The following RFC3 variants were observed in gnomAD, a reference collection of about 807,000 sequenced individuals.
RFC3 encodes the protein replication factor C subunit 3.
In RFC3, 41 loss-of-function variants were observed where a neutral mutation model predicts 45.1. The observed-to-expected ratio is 0.91, with a 90% CI of 0.71 to 1.18. The LOEUF is 1.18. RFC3 is among the 50% of genes most tolerant of loss of function. The pLI, the probability that RFC3 is intolerant of heterozygous loss-of-function variation, is 0.00. For synonymous variants in RFC3, 149 were observed against 144.0 expected, an observed-to-expected ratio of 1.03 and a Z score of -0.25; for missense variants, 423 against 428.1, an observed-to-expected ratio of 0.99 and a Z score of 0.10.
At chr13:33,820,370 C>G (rs536650690) in intron 1 of RFC3, among the ~76,000 whole-genome samples, 51 of 152,368 alleles carry the variant, frequency 3.3e-4, no homozygotes, top group Non-Finnish European at 6.6e-4. Context: ...AATGCTCTTT[C>G]TTTTCCCCCA....
intron 8 of RFC3, among the ~76,000 whole-genome samples, chr13:33,875,599 A>G (rs2082440701): frequency 6.6e-6 from 1 of 152,186 alleles, no homozygotes; most frequent in African/African-American, 2.4e-5. Flanking sequence ...GACAGTGGTA[A>G]GGCGAGTCCT....
intron 8 of RFC3, among the ~76,000 whole-genome samples, chr13:33,938,599 A>G (rs1259595239): frequency 6.6e-6 from 1 of 152,166 alleles, no homozygotes; most frequent in Admixed American, 6.6e-5. Flanking sequence ...GTTTTTCTCA[A>G]CATTGTGTCA....
intron 8 of RFC3, among the ~76,000 whole-genome samples, chr13:33,867,374 T>C (rs1321082288): frequency 1.3e-5 from 2 of 152,230 alleles, no homozygotes; most frequent in Non-Finnish European, 2.9e-5. Context: ...TTTCTTTCCC[T>C]GTGATTCTGT....
At chr13:33,970,068 C>T (rs1344475063), downstream of RFC3, among the ~76,000 whole-genome samples, 2 of 152,104 alleles carry the variant, frequency 1.3e-5, no homozygotes, top group Non-Finnish European at 2.9e-5. Context: ...GCCATTCTTC[C>T]TGATGCTCTT....
At chr13:33,866,354 G>A (rs2082373569) in intron 8 of RFC3, among the ~76,000 whole-genome samples, 1 of 152,220 alleles carries the variant, frequency 6.6e-6, no homozygotes, top group African/African-American at 2.4e-5. Context: ...GCAGTTATTT[G>A]GGAGAGGTAA....
At chr13:33,828,214 T>C (rs921591508) in intron 4 of RFC3, among the ~76,000 whole-genome samples, 27 of 152,312 alleles carry the variant, frequency 1.8e-4, no homozygotes, top group African/African-American at 6.0e-4. Context: ...TTCCCTATCT[T>C]ATTTTCTGTC....
intron 8 of RFC3, among the ~76,000 whole-genome samples, chr13:33,864,889 G>C (rs939124947): frequency 1.3e-5 from 2 of 152,138 alleles, no homozygotes; most frequent in Non-Finnish European, 2.9e-5. Context: ...AGGAAGGGGA[G>C]TTCTGTCTTG....
chr13:33,972,065 G>A, the RFC3 span, among the ~76,000 whole-genome samples: 11 of 152,306 alleles, frequency 7.2e-5, no homozygotes, highest in East Asian at 1.9e-4. Context: ...GCAGTGAGCC[G>A]AGATCGCACC....
At chr13:33,826,913 G>A (rs2082054896) in intron 4 of RFC3, among the ~76,000 whole-genome samples, 1 of 152,124 alleles carries the variant, frequency 6.6e-6, no homozygotes, top group African/African-American at 2.4e-5. Flanking sequence ...TGGAAGTAAA[G>A]CCTTAGTGTT....
intron 3 of RFC3, 84 bp from the exon 4 acceptor site, chr13:33,825,705 T>G (rs1435481170): frequency 3.1e-6 from 2 of 642,004 alleles, no homozygotes; most frequent in Non-Finnish European, 4.8e-6. Context: ...TGATTAAAAT[T>G]TTGACCACTT....
chr13:33,954,032 T>A (rs749983951), intron 8 of RFC3, among the ~76,000 whole-genome samples: 5 of 152,200 alleles, frequency 3.3e-5, no homozygotes, highest in Non-Finnish European at 7.3e-5. Flanking sequence ...TTTAAAGGAA[T>A]GTCAAGTATG....
At chr13:33,947,598 G>A (rs2082962320) in intron 8 of RFC3, among the ~76,000 whole-genome samples, 1 of 152,170 alleles carries the variant, frequency 6.6e-6, no homozygotes, top group South Asian at 2.1e-4. Flanking sequence ...GGAAAATGTA[G>A]GAAAGTTCAG....
chr13:33,831,242 T>G lies in RFC3; in HGVS notation c.711-14T>G. On this transcript the variant is annotated splice_polypyrimidine_tract_variant and intron_variant, in intron 6 of 8. Transcript: ENST00000380071. Reference sequence around the variant, plus strand: ...CTTCTGTTTAACTTCTTGTGTTCTCTTTTTGTCATGTAGATATCCTTTTAC... The same window carrying G: ...CTTCTGTTTAACTTCTTGTGTTCTCGTTTTGTCATGTAGATATCCTTTTAC... The G allele has an allele frequency of 6.7e-7, 1 of 1,501,554 alleles. No individual in the cohort carries two copies. The highest frequency in any genetic ancestry group is 9.3e-7 in the Non-Finnish European group (1 of 1,077,776). 93.0% of individuals were successfully genotyped at this position (1,501,554 alleles called of 1,614,324 possible).
At chr13:33,837,699 T>C (rs778940304), downstream of RFC3, among the ~76,000 whole-genome samples, 5 of 152,140 alleles carry the variant, frequency 3.3e-5, no homozygotes, top group Non-Finnish European at 7.4e-5. Flanking sequence ...TGACTTTCTA[T>C]GTTGTTGTCC....
intron 1 of RFC3, among the ~76,000 whole-genome samples, chr13:33,819,890 GA>G (rs2081985852): frequency 6.6e-6 from 1 of 151,998 alleles, no homozygotes; most frequent in Non-Finnish European, 1.5e-5. Flanking sequence ...GATTGAAGTT[GA>G]AAAAACAAGG....
chr13:33,911,472 G>A (rs1316898945), intron 8 of RFC3, among the ~76,000 whole-genome samples: 1 of 152,006 alleles, frequency 6.6e-6, no homozygotes, highest in East Asian at 1.9e-4. Context: ...TCCATTTTGT[G>A]TTGCTATAAC....
chr13:33,962,373 T>G (rs531752046), intron 8 of RFC3, among the ~76,000 whole-genome samples: 55 of 152,274 alleles, frequency 3.6e-4, no homozygotes, highest in African/African-American at 1.3e-3. Flanking sequence ...ATTTTTCTGT[T>G]CTTTACTCTC....
chr13:33,889,593 G>A (rs921380602), intron 8 of RFC3, among the ~76,000 whole-genome samples: 7 of 152,172 alleles, frequency 4.6e-5, no homozygotes, highest in Non-Finnish European at 1.0e-4. Flanking sequence ...TAGCTATCTT[G>A]AAATATGCAC....
At chr13:33,958,467 G>A (rs1187418941) in intron 8 of RFC3, among the ~76,000 whole-genome samples, 2 of 152,172 alleles carry the variant, frequency 1.3e-5, no homozygotes, top group Non-Finnish European at 2.9e-5. Flanking sequence ...ATGTGTTTCA[G>A]TATTTTCACA....
Sources: gnomAD v4.1 joint callset for allele counts (sites outside exome capture counted in the v4.1 genomes callset) on GRCh38, gnomAD v4.1.1 for gene constraint, MANE v1.5 for transcripts, NCBI Gene and HGNC (gene_info 2026-07-23, HGNC 2026-07-21) for gene names.